Variants in CPLX2 observed in about 807,000 individuals in gnomAD.
The protein encoded by CPLX2 is complexin 2, also known as complexin-2.
Under a neutral mutation model 16.3 loss-of-function variants are expected in CPLX2, and 5 were observed. That is an observed-to-expected ratio of 0.31 (90% CI 0.16 to 0.64). The LOEUF is 0.64. CPLX2 is among the 30% of genes least tolerant of loss of function. The pLI is 0.79. For missense variants in CPLX2, 144 were observed against 181.4 expected, an observed-to-expected ratio of 0.79 and a Z score of 1.18; for synonymous variants, 89 against 73.2, an observed-to-expected ratio of 1.22 and a Z score of -1.10.
intron 2 of CPLX2, among the ~76,000 whole-genome samples, chr5:175,829,397 G>A (rs1002758744): frequency 1.3e-5 from 2 of 152,100 alleles, no homozygotes; most frequent in African/African-American, 4.8e-5. Flanking sequence ...AGAAGGCCCC[G>A]CTCCCCCAGG....
intron 2 of CPLX2, chr5:175,861,514 G>A (rs2113690127): frequency 6.6e-6 from 1 of 152,372 alleles, no homozygotes; most frequent in African/African-American, 2.4e-5. Context: ...GACCCAAGCA[G>A]GGTGACGCTT....
intron 1 of CPLX2, among the ~76,000 whole-genome samples, chr5:175,806,795 G>A (rs1435895649): frequency 6.6e-6 from 1 of 152,090 alleles, no homozygotes; most frequent in African/African-American, 2.4e-5. Context: ...ACTGCGACCA[G>A]CCTCAGCTAT....
Position 175,845,437 on chromosome 5 carries a change from CCACAGGCCCTTTG to C in CPLX2, c.-88-33211_-88-33199del, listed in dbSNP as rs1291503781. Among the ~76,000 whole-genome samples the C allele has an allele frequency of 2.6e-5, 4 of 152,226 alleles. No individual in the cohort carries two copies. Among genetic ancestry groups the C allele is most frequent in the Admixed American group, 6.5e-5 (1 of 15,282 alleles). On this transcript the variant is annotated intron_variant, in intron 2 of 4. Coordinates refer to the CPLX2 transcript ENST00000359546. The surrounding 1 kb of genome is among the most constrained non-coding windows in gnomAD (Gnocchi z 4.0). ...CAAAGCACCACCAGGCTCTTTCCTGCCACAGGCCCTTTGCACCTGCTTTTGCTCTCCTTGGCAG... is the reference window on the plus strand; with the variant it reads ...CAAAGCACCACCAGGCTCTTTCCTGCCACCTGCTTTTGCTCTCCTTGGCAG...
At chr5:175,861,069 T>C (rs1409844822) in intron 2 of CPLX2, among the ~76,000 whole-genome samples, 1 of 151,780 alleles carries the variant, frequency 6.6e-6, no homozygotes, top group African/African-American at 2.4e-5. Context: ...TATTATGCTC[T>C]GTGATCCAGA....
In CPLX2 at chr5:175,819,218, CT is replaced by C. The variant is rs563712503; in HGVS notation, c.-89+10153del. On this transcript the variant is annotated intron_variant, in intron 2 of 4. Coordinates refer to the CPLX2 transcript ENST00000359546. Reference sequence around the variant, plus strand: ...CTGCCATGAAGATTCTTGCACGTGTCTTTGGAAAAACACATGTACACATTTC... The same window carrying C: ...CTGCCATGAAGATTCTTGCACGTGTCTTGGAAAAACACATGTACACATTTC... 5.6e-3 allele frequency among the ~76,000 whole-genome samples: 860 copies of C among 152,250 alleles called. 11 individuals are homozygous for C. Among genetic ancestry groups the C allele is most frequent in the African/African-American group, 0.019 (808 of 41,534 alleles).
At chr5:175,862,940 C>T (rs1274686323) in intron 2 of CPLX2, among the ~76,000 whole-genome samples, 9 of 152,304 alleles carry the variant, frequency 5.9e-5, no homozygotes, top group East Asian at 5.8e-4. Flanking sequence ...GCTGTGACTA[C>T]GGCGTGTTTT....
intron 2 of CPLX2, among the ~76,000 whole-genome samples, chr5:175,865,571 C>G (rs1759458823): frequency 6.6e-6 from 1 of 152,200 alleles, no homozygotes; most frequent in African/African-American, 2.4e-5. Context: ...ATTCTTGACA[C>G]TGAGATTCAT....
chr5:175,865,677 TTTTTCTGTAAGATGAGGGTCCA>T (rs1759461638), intron 2 of CPLX2, among the ~76,000 whole-genome samples: 2 of 152,176 alleles, frequency 1.3e-5, no homozygotes, highest in Non-Finnish European at 2.9e-5. Context: ...CACGATCCAG[TTTTTCTGTAAGATGAGGGTCCA>T]GGATCTTATG....
intron 2 of CPLX2, among the ~76,000 whole-genome samples, chr5:175,818,984 T>G (rs1450122314): frequency 6.6e-6 from 1 of 152,144 alleles, no homozygotes; most frequent in Non-Finnish European, 1.5e-5. Flanking sequence ...TTTCATAGAT[T>G]CATTGGCTGT....
intron 2 of CPLX2, among the ~76,000 whole-genome samples, chr5:175,846,256 G>A (rs1289905862): frequency 6.6e-6 from 1 of 152,122 alleles, no homozygotes; most frequent in Non-Finnish European, 1.5e-5. Context: ...AGTTCTCCCT[G>A]CCCTGTAGGT....
intron 2 of CPLX2, among the ~76,000 whole-genome samples, chr5:175,856,698 G>A (rs1280063768): frequency 3.9e-5 from 6 of 152,198 alleles, no homozygotes; most frequent in Non-Finnish European, 7.3e-5. Flanking sequence ...TCTACAGACA[G>A]AGATGACGAT....
exon 1 of CPLX2, chr5:175,796,649 C>A (rs956769644): frequency 6.5e-6 from 1 of 152,712 alleles, no homozygotes; most frequent in African/African-American, 2.4e-5. Context: ...TTGGCGCCCC[C>A]CGCGTGCACG....
At chr5:175,835,896 G>A (rs971229486) in intron 2 of CPLX2, among the ~76,000 whole-genome samples, 27 of 151,594 alleles carry the variant, frequency 1.8e-4, no homozygotes, top group African/African-American at 5.3e-4. Context: ...GCACCATCAC[G>A]CCTAGCTAAG....
chr5:175,880,187 C>T lies in CPLX2; in HGVS notation c.*142C>T. ...CTCTTCCCTGGCCAGGGGCTTCTCC[C>T]CCTCAGCTCTCCCTCACACCTCCCT... On this transcript the variant is annotated 3_prime_UTR_variant, in exon 4 of 4. Transcript: ENST00000393745. 2 of 852,160 alleles carry T rather than the reference C, an allele frequency of 2.3e-6. No individual in the cohort carries two copies. Among genetic ancestry groups the T allele is most frequent in the South Asian group, 1.4e-5 (1 of 69,404 alleles). 52.8% of individuals were successfully genotyped at this position (852,160 alleles called of 1,614,324 possible). A position where few individuals can be genotyped will look rare whatever the true frequency, so the allele number is the denominator to read the frequency against.
At chr5:175,852,802 G>A (rs1014465503) in intron 2 of CPLX2, among the ~76,000 whole-genome samples, 6 of 152,288 alleles carry the variant, frequency 3.9e-5, no homozygotes, top group Non-Finnish European at 4.4e-5. Flanking sequence ...AAAGCAGGGC[G>A]GGCAGGTGAA....
intron 3 of CPLX2, 66 bp from the exon 4 acceptor site, chr5:175,879,782 C>A: frequency 6.8e-7 from 1 of 1,466,062 alleles, no homozygotes; most frequent in Non-Finnish European, 9.4e-7. Flanking sequence ...GCTGCATGAT[C>A]ATGAGACTCC....
rs930900742 is a variant in CPLX2, at chr5:175,872,386, G to A, written c.-89+681G>A. Among the ~76,000 whole-genome samples the A allele has an allele frequency of 1.3e-5, 2 of 152,166 alleles. No individual in the cohort carries two copies. The highest frequency in any genetic ancestry group is 2.9e-5 in the Non-Finnish European group (2 of 68,030). ...CGACCCCTTCTGTGCTCTCGTTCTC[G>A]TCGGCCTCAATCTGCCCCCTTCCCC... On this transcript the variant is annotated intron_variant, in intron 1 of 3. Transcript: ENST00000393745. The surrounding 1 kb of genome is among the most constrained non-coding windows in gnomAD (Gnocchi z 5.0).
At chr5:175,803,349 G>T (rs976489911) in intron 1 of CPLX2, among the ~76,000 whole-genome samples, 2 of 152,196 alleles carry the variant, frequency 1.3e-5, no homozygotes, top group Admixed American at 6.5e-5. Context: ...GGAGACAGAA[G>T]CCAGGCAAGT....
chr5:175,879,629 C>A (rs1755519203), intron 3 of CPLX2: 2 of 680,162 alleles, frequency 2.9e-6, no homozygotes, highest in Non-Finnish European at 5.4e-6. Context: ...TTCTGATGGG[C>A]AGGTGTTAAT....
Sources: gnomAD v4.1 joint callset for allele counts (sites outside exome capture counted in the v4.1 genomes callset) on GRCh38, gnomAD v4.1.1 for gene constraint, Gnocchi (gnomAD v3.1) non-coding constraint, MANE v1.5 for transcripts, NCBI Gene and HGNC (gene_info 2026-07-23, HGNC 2026-07-21) for gene names.